BMP7: variants seen among roughly 807,000 people sequenced by gnomAD.
The protein encoded by BMP7 is osteogenic protein 1.
In BMP7, 12 loss-of-function variants were observed where a neutral mutation model predicts 41.2. That is an observed-to-expected ratio of 0.29 (90% CI 0.19 to 0.47). The LOEUF (loss-of-function observed/expected upper bound fraction) is 0.47. Ranked by LOEUF, BMP7 falls within the 20% of genes least tolerant of loss-of-function variation. BMP7 has a pLI of 0.99. For missense variants in BMP7, 467 were observed against 606.0 expected, an observed-to-expected ratio of 0.77 and a Z score of 2.41; for synonymous variants, 248 against 250.0, an observed-to-expected ratio of 0.99 and a Z score of 0.07.
At chr20:57,227,199 T>C (rs2066010727) in intron 2 of BMP7, among the ~76,000 whole-genome samples, 1 of 152,206 alleles carries the variant, frequency 6.6e-6, no homozygotes, top group Non-Finnish European at 1.5e-5. Flanking sequence ...GCTCACGTCC[T>C]AATGTGGCCA....
chr20:57,192,282 A>G (rs575696643), intron 3 of BMP7, among the ~76,000 whole-genome samples: 95 of 136,012 alleles, frequency 7.0e-4, no homozygotes, highest in Non-Finnish European at 1.2e-3. Flanking sequence ...ATATACTATA[A>G]TATATATAGT....
chr20:57,258,977 A>T (rs1244463154), intron 1 of BMP7, among the ~76,000 whole-genome samples: 1 of 152,192 alleles, frequency 6.6e-6, no homozygotes, highest in Non-Finnish European at 1.5e-5. Flanking sequence ...ATTTCTTTAG[A>T]ATCTGTTGAG....
chr20:57,217,972 G>T (rs1454816953), intron 2 of BMP7, among the ~76,000 whole-genome samples: 1 of 152,198 alleles, frequency 6.6e-6, no homozygotes, highest in African/African-American at 2.4e-5. Context: ...AGCTGGAAAT[G>T]AGGCTGGGGC....
rs1282191209 is a variant in BMP7 at position 57,170,683 on chromosome 20, T to A, written c.*276A>T. 3 of 412,896 alleles carry A rather than the reference T, an allele frequency of 7.3e-6. No homozygotes were observed. Among genetic ancestry groups the A allele is most frequent in the Non-Finnish European group, 1.4e-5 (3 of 220,216 alleles). 25.6% of individuals were successfully genotyped at this position (412,896 alleles called of 1,614,324 possible). The stretch of plus-strand genomic sequence containing the variant: ...TGCATGGCTGAGACTTCCCAGCCAA[T>A]GACCTGGCCCGGCCATTTTTCTTTA... On this transcript the variant is annotated 3_prime_UTR_variant, in exon 7 of 7. Coordinates refer to ENST00000395863, the MANE Select transcript of BMP7 (RefSeq NM_001719.3).
At chr20:57,255,771 G>A (rs897986766) in intron 1 of BMP7, among the ~76,000 whole-genome samples, 1 of 126,202 alleles carries the variant, frequency 7.9e-6, no homozygotes, top group Non-Finnish European at 1.6e-5. Flanking sequence ...CTACACTCCA[G>A]CCTGGGGGAT....
In BMP7 at chr20:57,228,527, G is replaced by T; in HGVS notation, c.419-106C>A. ...TCTTGCCTAAGCTAGATGGAGGCAT[G>T]CCCATTGCCAGTGACCCCAGTGACA... is the stretch of plus-strand genomic sequence containing the variant. On this transcript the variant is annotated intron_variant, in intron 1 of 6. Coordinates refer to ENST00000395863, the MANE Select transcript of BMP7 (RefSeq NM_001719.3). This position sits in a 1 kb window ranked among gnomAD's most constrained non-coding sequence, Gnocchi z 4.5. 1 of 1,375,624 alleles carries T rather than the reference G, an allele frequency of 7.3e-7. No individual in the cohort carries two copies. The highest frequency in any genetic ancestry group is 1.0e-6 in the Non-Finnish European group (1 of 967,988). The allele number at this position is 1,375,624 out of a possible 1,614,324, so 85.2% of individuals were successfully genotyped here. A position where few individuals can be genotyped will look rare whatever the true frequency, so the allele number is the denominator to read the frequency against.
intron 2 of BMP7, among the ~76,000 whole-genome samples, chr20:57,227,952 T>C (rs762348946): frequency 6.6e-5 from 10 of 152,174 alleles, no homozygotes; most frequent in Non-Finnish European, 1.3e-4. Context: ...TTTTCTTCTA[T>C]GTCCCTTAGC....
chr20:57,175,138 C>T (rs559576947), intron 4 of BMP7, 131 bp from the exon 5 acceptor site: 201 of 1,007,936 alleles, frequency 2.0e-4, no homozygotes, highest in Admixed American at 5.8e-4. Flanking sequence ...GTAAATTTCC[C>T]GATTCAAAAG....
Position 57,169,138 on chromosome 20 carries a change from C to T in BMP7, c.*1821G>A, listed in dbSNP as rs956147598. 6.6e-6 allele frequency: 1 copy of T among 152,156 alleles called. No individual in the cohort carries two copies. Among genetic ancestry groups the T allele is most frequent in the Non-Finnish European group, 1.5e-5 (1 of 68,034 alleles). The allele number at this position is 152,156 out of a possible 1,614,324, so 9.4% of individuals were successfully genotyped here. On this transcript the variant is annotated 3_prime_UTR_variant, in exon 7 of 7. Coordinates refer to ENST00000395863, the MANE Select transcript of BMP7 (RefSeq NM_001719.3). ...GAAACCAAACATAACAAAAAATACT[C>T]CTCCCCAGTGACTAGAGAGTGGAGG...
In BMP7 at chr20:57,202,630, G is replaced by A. The variant is rs768827500; in HGVS notation, c.612-7C>T. ...CAGGAAGAGATCCGATTCCCTGCGA[G>A]AGAGGAGGAGAGACACGGGCTTCGC... On this transcript the variant is annotated splice_polypyrimidine_tract_variant and splice_region_variant and intron_variant, in intron 2 of 6. Coordinates refer to ENST00000395863, the MANE Select transcript of BMP7 (RefSeq NM_001719.3). The A allele has an allele frequency of 6.3e-7, 1 of 1,589,536 alleles. No homozygotes were observed. The highest frequency in any genetic ancestry group is 8.6e-7 in the Non-Finnish European group (1 of 1,166,796).
At chr20:57,189,512 G>A (rs1243439876) in intron 3 of BMP7, among the ~76,000 whole-genome samples, 3 of 152,228 alleles carry the variant, frequency 2.0e-5, no homozygotes, top group African/African-American at 4.8e-5. Context: ...TCGCACACGC[G>A]TGACGCAGAG....
Position 57,171,025 on chromosome 20 carries a change from A to G in BMP7, c.1230T>C (p.Asp410=), listed in dbSNP as rs1300424191. The change falls in exon 7 of 7, where the codon GAT becomes GAC. Residue 410 remains aspartate (D), a synonymous_variant. Coordinates refer to ENST00000395863, the MANE Select transcript of BMP7 (RefSeq NM_001719.3). The surrounding 1 kb of genome is among the most constrained non-coding windows in gnomAD (Gnocchi z 4.5). Reference sequence around the variant, plus strand: ...TCTTCAGGATGACGTTGGAGCTGTCATCGAAGTAGAGGACGGAGATGGCAT... The same window carrying G: ...TCTTCAGGATGACGTTGGAGCTGTCGTCGAAGTAGAGGACGGAGATGGCAT... ...QLNAISVLYF[D]DSSNVILKKY... is the part of the protein sequence containing the mutation. The G allele has an allele frequency of 6.2e-7, 1 of 1,614,200 alleles. No homozygotes were observed. Among genetic ancestry groups the G allele is most frequent in the South Asian group, 1.1e-5 (1 of 91,076 alleles).
Position 57,224,584 on chromosome 20 carries a change from G to C in BMP7, c.611+3645C>G, listed in dbSNP as rs1316651144. 1 of 152,354 alleles carries C rather than the reference G, an allele frequency of 6.6e-6. No individual in the cohort carries two copies. The highest frequency in any genetic ancestry group is 1.5e-5 in the Non-Finnish European group (1 of 68,152). 9.4% of individuals were successfully genotyped at this position (152,354 alleles called of 1,614,324 possible). On this transcript the variant is annotated intron_variant, in intron 2 of 6. Transcript: ENST00000395863. This position sits in a 1 kb window ranked among gnomAD's most constrained non-coding sequence, Gnocchi z 4.8. ...CCCCAAATATCCTCACCTTCACCTG[G>C]AACCAAAGTCTGCACCAATGGAGAC...
chr20:57,210,366 C>G (rs914006915), intron 2 of BMP7, among the ~76,000 whole-genome samples: 1 of 152,210 alleles, frequency 6.6e-6, no homozygotes, highest in African/African-American at 2.4e-5. Flanking sequence ...CCCAGCCCAC[C>G]TTCCCCTGGA....
chr20:57,235,501 T>A (rs769590020), intron 1 of BMP7, among the ~76,000 whole-genome samples: 6 of 152,134 alleles, frequency 3.9e-5, no homozygotes, highest in Non-Finnish European at 8.8e-5. Context: ...CCTAAAGAGA[T>A]CATTCATTTT....
At chr20:57,175,088 G>A in intron 4 of BMP7, 81 bp from the exon 5 acceptor site, 1 of 1,405,002 alleles carries the variant, frequency 7.1e-7, no homozygotes. Context: ...TCCATCTTAG[G>A]CAGTGATGTG....
chr20:57,185,073 C>T (rs942172772), intron 3 of BMP7, among the ~76,000 whole-genome samples: 3 of 152,038 alleles, frequency 2.0e-5, no homozygotes, highest in South Asian at 2.1e-4. Context: ...CCTGGAGAGC[C>T]GATGGCAGGG....
rs113991609 is a variant in BMP7, at chr20:57,235,013, C to T, written c.419-6592G>A. Among the ~76,000 whole-genome samples the T allele has an allele frequency of 3.1e-3, 474 of 152,358 alleles. 5 individuals are homozygous for T. In the South Asian group the frequency reaches 0.034, roughly 11 times the overall value. On this transcript the variant is annotated intron_variant, in intron 1 of 6. Coordinates refer to ENST00000395863, the MANE Select transcript of BMP7 (RefSeq NM_001719.3). ...TTTATTACCAGCTCCGAAGTCGTCC[C>T]GACAGGGGTCCCTCCCAAACACCAG...
chr20:57,262,798 T>C (rs2066159251), intron 1 of BMP7, among the ~76,000 whole-genome samples: 1 of 152,218 alleles, frequency 6.6e-6, no homozygotes, highest in Non-Finnish European at 1.5e-5. Flanking sequence ...CTCACTCTTA[T>C]GTAAATTGTG....
Sources: gnomAD v4.1 joint callset for allele counts (sites outside exome capture counted in the v4.1 genomes callset) on GRCh38, gnomAD v4.1.1 for gene constraint, Gnocchi (gnomAD v3.1) non-coding constraint, MANE v1.5 for transcripts, NCBI Gene and HGNC (gene_info 2026-07-23, HGNC 2026-07-21) for gene names.